MRAP2: variants seen among roughly 807,000 people sequenced by gnomAD.
The protein encoded by MRAP2 is melanocortin 2 receptor accessory protein 2.
A neutral mutation model predicts 17.4 loss-of-function variants in MRAP2; 20 were observed. The ratio of observed to expected loss-of-function variants is 1.15; its 90% CI spans 0.81 to 1.67. The LOEUF is 1.67. Among genes scored for constraint, MRAP2 ranks in the 40% most tolerant of loss-of-function variants. The probability of loss-of-function intolerance (pLI) is 0.00; values close to 1 mark genes in which losing one functional copy is unlikely to be tolerated. For synonymous variants in MRAP2, 96 were observed against 88.4 expected, an observed-to-expected ratio of 1.09 and a Z score of -0.48; for missense variants, 238 against 240.0, an observed-to-expected ratio of 0.99 and a Z score of 0.05.
In MRAP2 at chr6:84,062,980, C is replaced by T. The variant is rs1265924999; in HGVS notation, c.215C>T (p.Ala72Val). 1.2e-6 allele frequency: 2 copies of T among 1,614,148 alleles called. No individual in the cohort carries two copies. Among genetic ancestry groups the T allele is most frequent in the Admixed American group, 3.3e-5 (2 of 60,026 alleles). The change falls in exon 3 of 4, where the codon GCC (alanine) becomes GTC (valine). Residue 72 changes from alanine to valine, a missense_variant. Physicochemically the swap from Ala to Val is moderately conservative, Grantham distance 64 (BLOSUM62 0). Coordinates refer to ENST00000257776, the MANE Select transcript of MRAP2 (RefSeq NM_138409.4). ...CTGACCTTGCTGACCAAGACAGGAGCCCCACACCAAGAGTAAGTTTGGGCT... is the reference window on the plus strand; with the variant it reads ...CTGACCTTGCTGACCAAGACAGGAGTCCCACACCAAGAGTAAGTTTGGGCT... ...FVLTLLTKTG[A>V]PHQDNAESSE... is the part of the protein sequence containing the mutation.
the MRAP2 span, among the ~76,000 whole-genome samples, chr6:84,102,394 A>G: frequency 6.6e-6 from 1 of 152,206 alleles, no homozygotes; most frequent in African/African-American, 2.4e-5. Context: ...TTAGAGCTTG[A>G]GGGAGATGTG....
chr6:84,089,272 G>A lies in MRAP2; in HGVS notation c.409G>A (p.Ala137Thr), dbSNP rs761040997. 12 of 1,614,066 alleles carry A rather than the reference G, an allele frequency of 7.4e-6. No homozygotes were observed. Among genetic ancestry groups the A allele is most frequent in the Non-Finnish European group, 9.3e-6 (11 of 1,180,048 alleles). ...AGCCAAAGCTTGTCACCAGACCACA[G>A]CCCTTGACAGTGACGTCCAACTCCA... is the stretch of plus-strand genomic sequence containing the variant. Reference protein sequence around the residue: ...DRAKACHQTTALDSDVQLQEA... With the variant: ...DRAKACHQTTTLDSDVQLQEA... Residue 137 changes from alanine to threonine, a missense_variant, in exon 4 of 4, where the codon GCC (alanine) becomes ACC (threonine). Coordinates refer to ENST00000257776, the MANE Select transcript of MRAP2 (RefSeq NM_138409.4).
At chr6:84,071,561 G>A (rs994764226) in intron 3 of MRAP2, among the ~76,000 whole-genome samples, 2 of 152,186 alleles carry the variant, frequency 1.3e-5, no homozygotes, top group Non-Finnish European at 2.9e-5. Context: ...GTGTGTCTAG[G>A]CAATGATCTT....
chr6:84,082,415 C>T (rs1384808056), intron 3 of MRAP2, among the ~76,000 whole-genome samples: 1 of 152,176 alleles, frequency 6.6e-6, no homozygotes, highest in Non-Finnish European at 1.5e-5. Context: ...CCTTTCATGA[C>T]CTGCTCAAAT....
chr6:84,144,188 G>A, the MRAP2 span, among the ~76,000 whole-genome samples: 1 of 152,128 alleles, frequency 6.6e-6, no homozygotes, highest in East Asian at 1.9e-4. Flanking sequence ...AAATAGAGAT[G>A]TCAAAGTAAT....
intron 3 of MRAP2, among the ~76,000 whole-genome samples, chr6:84,074,132 G>A (rs188830936): frequency 1.3e-5 from 2 of 152,192 alleles, no homozygotes; most frequent in East Asian, 3.9e-4. Flanking sequence ...AGAAGAAAAA[G>A]GAACCCATTC....
Position 84,069,589 on chromosome 6 carries a change from G to A in MRAP2, c.227+6597G>A, listed in dbSNP as rs1317487576. 3.9e-5 allele frequency among the ~76,000 whole-genome samples: 6 copies of A among 152,008 alleles called. No homozygotes were observed. The East Asian group carries it at 1.2e-3, about 29-fold the overall frequency. The stretch of plus-strand genomic sequence containing the variant: ...TATGTCCTTTCCTGGTTTTAGTATT[G>A]GGGTGATGCTGGCTTCATAGAATAA... On this transcript the variant is annotated intron_variant, in intron 3 of 3. Transcript: ENST00000257776.
chr6:84,045,418 C>T, intron 1 of MRAP2: 2 of 982,706 alleles, frequency 2.0e-6, no homozygotes, highest in Admixed American at 6.2e-5. Context: ...CACGAATGAC[C>T]TGCCCCCAGC....
At chr6:84,096,752 A>G in the MRAP2 span, among the ~76,000 whole-genome samples, 1 of 152,152 alleles carries the variant, frequency 6.6e-6, no homozygotes. Flanking sequence ...AAATTGCACT[A>G]CAGAATCAGT....
Position 84,045,205 on chromosome 6 carries a change from A to G in MRAP2, c.-7-10107A>G, listed in dbSNP as rs950927765. ...CAGATGCTAAGGAATGACTTTATAT[A>G]TATACACAATGAATGATGATAGTGA... On this transcript the variant is annotated intron_variant, in intron 1 of 3. Transcript: ENST00000257776. 5.1e-6 allele frequency: 5 copies of G among 985,242 alleles called. No individual in the cohort carries two copies. In the African/African-American group the frequency reaches 8.7e-5, roughly 17 times the overall value. 61.0% of individuals were successfully genotyped at this position (985,242 alleles called of 1,614,324 possible).
At chr6:84,044,853 C>T (rs941638328) in intron 1 of MRAP2, among the ~76,000 whole-genome samples, 2 of 152,210 alleles carry the variant, frequency 1.3e-5, no homozygotes, top group African/African-American at 4.8e-5. Flanking sequence ...CGGGGCTCCA[C>T]ACCCGTGGGT....
intron 2 of MRAP2, among the ~76,000 whole-genome samples, chr6:84,057,501 G>A (rs2099491992): frequency 6.6e-6 from 1 of 152,192 alleles, no homozygotes; most frequent in Non-Finnish European, 1.5e-5. Flanking sequence ...ACCTCAGATG[G>A]TGCTTGAGAA....
chr6:84,105,615 A>G, the MRAP2 span, among the ~76,000 whole-genome samples: 15 of 152,242 alleles, frequency 9.9e-5, no homozygotes, highest in East Asian at 2.3e-3. Flanking sequence ...TGGTAGTACT[A>G]AGAGACACCC....
At chr6:84,043,719 C>G (rs1928279) in intron 1 of MRAP2, among the ~76,000 whole-genome samples, 17,084 of 151,954 alleles carry the variant, frequency 0.11, 1,060 homozygotes, top group Middle Eastern at 0.23. Flanking sequence ...CATTGTGTGG[C>G]AGAGGATAGT....
downstream of MRAP2, among the ~76,000 whole-genome samples, chr6:84,094,103 T>C (rs1357780508): frequency 6.6e-6 from 1 of 152,200 alleles, no homozygotes; most frequent in African/African-American, 2.4e-5. Context: ...GAGGCTCTTC[T>C]GTGGATCACT....
chr6:84,139,454 C>G, the MRAP2 span, among the ~76,000 whole-genome samples: 4 of 152,182 alleles, frequency 2.6e-5, no homozygotes. Flanking sequence ...TCTTGTTAAT[C>G]TGTCTTTTGT....
the MRAP2 span, among the ~76,000 whole-genome samples, chr6:84,109,774 C>T: frequency 6.6e-6 from 1 of 151,142 alleles, no homozygotes; most frequent in African/African-American, 2.4e-5. Flanking sequence ...CCGACAGGTC[C>T]TGGTGTGTGA....
chr6:84,063,413 T>C (rs1255303965), intron 3 of MRAP2: 6 of 985,138 alleles, frequency 6.1e-6, no homozygotes, highest in Non-Finnish European at 7.2e-6. Context: ...AGAGTAATAG[T>C]TGTTCCTGGA....
At chr6:84,041,083 T>A (rs2099487439) in intron 1 of MRAP2, among the ~76,000 whole-genome samples, 1 of 152,130 alleles carries the variant, frequency 6.6e-6, no homozygotes, top group Non-Finnish European at 1.5e-5. Flanking sequence ...CTGCGTGCAG[T>A]CTAGAGACTT....
Sources: allele counts gnomAD v4.1 joint callset (sites outside exome capture counted in the v4.1 genomes callset), GRCh38; gene constraint gnomAD v4.1.1; transcripts MANE v1.5; gene names NCBI Gene and HGNC (gene_info 2026-07-23, HGNC 2026-07-21).